Variants in SRP19 observed in about 807,000 individuals in gnomAD.
SRP19 encodes the protein signal recognition particle 19, also known as signal recognition particle 19 kDa protein.
A neutral mutation model predicts 22.4 loss-of-function variants in SRP19; 11 were observed. The observed-to-expected ratio is 0.49, with a 90% CI of 0.31 to 0.81. The LOEUF is 0.81. Among genes scored for constraint, SRP19 ranks in the 40% least tolerant of loss-of-function variants. The pLI is 0.05. For synonymous variants in SRP19, 61 were observed against 57.6 expected, an observed-to-expected ratio of 1.06 and a Z score of -0.27; for missense variants, 168 against 175.9, an observed-to-expected ratio of 0.96 and a Z score of 0.25.
At chr5:112,885,382 G>T in intron 4 of SRP19, 1 of 182,388 alleles carries the variant, frequency 5.5e-6, no homozygotes, top group South Asian at 9.9e-5. Context: ...GAAAATGCAT[G>T]GACTCGTAGT....
At chr5:112,864,829 G>T in intron 4 of SRP19, 97 bp downstream of exon 4, 1 of 882,098 alleles carries the variant, frequency 1.1e-6, no homozygotes, top group Non-Finnish European at 1.8e-6. Context: ...GTCAGAATTT[G>T]CATTCTGAAG....
At chr5:112,862,047 C>T (rs1260674001) in intron 1 of SRP19, among the ~76,000 whole-genome samples, 1 of 152,194 alleles carries the variant, frequency 6.6e-6, no homozygotes, top group Admixed American at 6.5e-5. Context: ...TACTTGTTAT[C>T]TGTTGAGTGT....
rs1190853082 is a variant in SRP19, at chr5:112,861,321, C to A, written c.-56C>A. The A allele has an allele frequency of 2.5e-6, 4 of 1,607,540 alleles. No individual in the cohort carries two copies. Among genetic ancestry groups the A allele is most frequent in the Non-Finnish European group, 3.4e-6 (4 of 1,174,286 alleles). On this transcript the variant is annotated 5_prime_UTR_variant, in exon 1 of 5. Coordinates refer to ENST00000505459, the MANE Select transcript of SRP19 (RefSeq NM_003135.3). Reference sequence around the variant, plus strand: ...CGGAAACTCAGAGCCGGGTTCCTCCCGGGTTTCTGCCGGGTTTCTCCCTGC... The same window carrying A: ...CGGAAACTCAGAGCCGGGTTCCTCCAGGGTTTCTGCCGGGTTTCTCCCTGC...
chr5:112,879,373 G>A (rs1268301519), intron 4 of SRP19, among the ~76,000 whole-genome samples: 4 of 151,872 alleles, frequency 2.6e-5, no homozygotes, highest in Non-Finnish European at 4.4e-5. Flanking sequence ...TTAGTTCCAG[G>A]AACCCTACAG....
chr5:112,896,707 G>A (rs1264948003), downstream of SRP19: 1 of 151,684 alleles, frequency 6.6e-6, no homozygotes, highest in African/African-American at 2.4e-5. Flanking sequence ...AGGCTGAGGT[G>A]GGTGGATCAC....
chr5:112,886,025 A>G (rs985859473), intron 4 of SRP19, among the ~76,000 whole-genome samples: 1 of 152,210 alleles, frequency 6.6e-6, no homozygotes. Flanking sequence ...CTTCAGCGAC[A>G]TGGCCTCTCC....
intron 4 of SRP19, among the ~76,000 whole-genome samples, chr5:112,866,374 C>T (rs140698528): frequency 2.0e-5 from 3 of 152,256 alleles, no homozygotes; most frequent in Non-Finnish European, 2.9e-5. Context: ...CCTTGGCCTC[C>T]CAGAATGTTG....
intron 2 of SRP19, among the ~76,000 whole-genome samples, chr5:112,863,790 G>T (rs762351561): frequency 7.9e-5 from 12 of 152,138 alleles, no homozygotes; most frequent in Non-Finnish European, 1.5e-4. Flanking sequence ...TCAGCCTTCT[G>T]AGTAGCTGGG....
chr5:112,891,093 G>A (rs1202402772), intron 4 of SRP19, among the ~76,000 whole-genome samples: 1 of 147,678 alleles, frequency 6.8e-6, no homozygotes, highest in East Asian at 2.2e-4. Flanking sequence ...TTATTTTTGA[G>A]ACAGAGTCTC....
intron 4 of SRP19, among the ~76,000 whole-genome samples, chr5:112,875,969 C>T (rs1182076187): frequency 2.0e-5 from 3 of 151,826 alleles, no homozygotes; most frequent in Admixed American, 2.0e-4. Flanking sequence ...ATGGCATGAA[C>T]CCGGGAGGCG....
intron 4 of SRP19, 72 bp from the exon 5 acceptor site, chr5:112,867,332 T>G: frequency 2.0e-6 from 3 of 1,528,900 alleles, no homozygotes; most frequent in South Asian, 1.3e-5. Context: ...TTACACTTTG[T>G]GATATTCAAT....
downstream of SRP19, among the ~76,000 whole-genome samples, chr5:112,872,238 C>CG (rs752929341): frequency 2.6e-4 from 39 of 151,914 alleles, no homozygotes; most frequent in Non-Finnish European, 5.9e-5. Flanking sequence ...GCAGCACTGG[C>CG]CTCTGGTGAA....
Position 112,864,800 on chromosome 5 carries a change from C to T in SRP19, c.301+68C>T. On this transcript the variant is annotated intron_variant, in intron 4 of 4. Transcript: ENST00000505459. ...TCTCCTACACAACACAAAAAAGGTT[C>T]TAAAACTGAAAGGTAAAAGTCAGAA... is the stretch of plus-strand genomic sequence containing the variant. 5 of 1,249,362 alleles carry T rather than the reference C, an allele frequency of 4.0e-6. No individual in the cohort carries two copies. The Admixed American group carries it at 8.9e-5, about 22-fold the overall frequency. The allele number at this position is 1,249,362 out of a possible 1,614,324, so 77.4% of individuals were successfully genotyped here.
intron 4 of SRP19, among the ~76,000 whole-genome samples, chr5:112,888,645 C>G (rs1002399804): frequency 7.9e-5 from 12 of 151,204 alleles, no homozygotes; most frequent in African/African-American, 2.9e-4. Flanking sequence ...CCAGACTCCC[C>G]TTATCTCAAC....
downstream of SRP19, among the ~76,000 whole-genome samples, chr5:112,870,519 A>G (rs1306297917): frequency 6.6e-6 from 1 of 151,988 alleles, no homozygotes; most frequent in Non-Finnish European, 1.5e-5. Flanking sequence ...AAGATTTGTC[A>G]CAGAAAGATG....
Position 112,892,883 on chromosome 5 carries a change from G to A in SRP19, c.*1276G>A, listed in dbSNP as rs142725524. On this transcript the variant is annotated 3_prime_UTR_variant, in exon 5 of 5. Coordinates refer to the SRP19 transcript ENST00000391338. ...CATAGGGGGAAGAAATCTCACAAAC[G>A]CACATCAAAGAGTCGGGAGAGGCAC... The A allele has an allele frequency of 5.8e-4, 931 of 1,612,226 alleles. 5 individuals are homozygous for A. The African/African-American group carries it at 6.7e-3, about 12-fold the overall frequency.
At chr5:112,861,986 T>C (rs1165314054) in intron 1 of SRP19, among the ~76,000 whole-genome samples, 1 of 152,194 alleles carries the variant, frequency 6.6e-6, no homozygotes, top group Non-Finnish European at 1.5e-5. Context: ...AGCATAGGTG[T>C]ACCAGCAATG....
chr5:112,890,108 T>G (rs528767786), intron 4 of SRP19, among the ~76,000 whole-genome samples: 3 of 150,400 alleles, frequency 2.0e-5, no homozygotes, highest in African/African-American at 7.4e-5. Flanking sequence ...ATTACAGGCG[T>G]GAGCCACCGC....
chr5:112,872,988 G>C (rs898555341), downstream of SRP19, among the ~76,000 whole-genome samples: 29 of 151,948 alleles, frequency 1.9e-4, no homozygotes, highest in African/African-American at 7.0e-4. Context: ...TTGGTCTTCT[G>C]ACCTCTTGTA....
Sources: allele counts gnomAD v4.1 joint callset (sites outside exome capture counted in the v4.1 genomes callset), GRCh38; gene constraint gnomAD v4.1.1; transcripts MANE v1.5; gene names NCBI Gene and HGNC (gene_info 2026-07-23, HGNC 2026-07-21).